SMARCC2: variants seen among roughly 807,000 people sequenced by gnomAD.
SMARCC2 encodes the protein SWI/SNF related BAF chromatin remodeling complex subunit C2.
SMARCC2 carries 15 observed loss-of-function variants against 151.3 expected under a neutral mutation model. That is an observed-to-expected ratio of 0.10 (90% CI 0.07 to 0.15). The LOEUF (loss-of-function observed/expected upper bound fraction) is 0.15. Among genes scored for constraint, SMARCC2 ranks in the 10% least tolerant of loss-of-function variants. The pLI is 1.00. For synonymous variants in SMARCC2, 590 were observed against 609.5 expected, an observed-to-expected ratio of 0.97 and a Z score of 0.47; for missense variants, 1,031 against 1,599.7, an observed-to-expected ratio of 0.64 and a Z score of 6.06.
chr12:56,170,313 A>C, intron 22 of SMARCC2, 105 bp from the exon 23 acceptor site: 2 of 1,034,660 alleles, frequency 1.9e-6, no homozygotes, highest in Non-Finnish European at 2.9e-6. Flanking sequence ...TGTGTTGCCC[A>C]GGTTGGTCTC....
chr12:56,185,925 C>A (rs1877155388), intron 3 of SMARCC2: 2 of 527,572 alleles, frequency 3.8e-6, no homozygotes, highest in Non-Finnish European at 6.7e-6. Context: ...GAGATGCCAA[C>A]CTAAGAATCC....
chr12:56,164,259 G>A, intron 28 of SMARCC2, 44 bp downstream of exon 28: 2 of 1,576,358 alleles, frequency 1.3e-6, no homozygotes, highest in Non-Finnish European at 1.7e-6. Context: ...CCCTCCAGGT[G>A]GACCCCTCTC....
Position 56,171,482 on chromosome 12 carries a change from C to A in SMARCC2, c.2186-50G>T, listed in dbSNP as rs768369409. On this transcript the variant is annotated intron_variant, in intron 21 of 28. Transcript: ENST00000550164. This position sits in a 1 kb window ranked among gnomAD's most constrained non-coding sequence, Gnocchi z 4.2. ...CTGGGAGCGGCACAGTGGAACAGTT[C>A]TGGCAATCCCTGCAAAAGCTTACTC... 1 of 1,607,480 alleles carries A rather than the reference C, an allele frequency of 6.2e-7. No homozygotes were observed. Among genetic ancestry groups the A allele is most frequent in the South Asian group, 1.1e-5 (1 of 90,816 alleles).
Position 56,181,781 on chromosome 12 carries a change from C to T in SMARCC2, c.763G>A (p.Glu255Lys), listed in dbSNP as rs1352494241. Reference sequence around the variant, plus strand: ...TTGTCATCATTTACTTCATAGTCTTCCTCATTCATCCATTCATTGAAGGTG... The same window carrying T: ...TTGTCATCATTTACTTCATAGTCTTTCTCATTCATCCATTCATTGAAGGTG... ...TDTFNEWMNEEDYEVNDDKNP... is the reference protein window; with the variant it reads ...TDTFNEWMNEKDYEVNDDKNP... The change falls in exon 9 of 29, where the codon GAA becomes AAA. Residue 255 changes from glutamate (E) to lysine (K), a missense_variant. Physicochemically the swap from Glu to Lys is moderately conservative, Grantham distance 56 (BLOSUM62 1). Around this residue, in one of 12 missense-constraint regions of SMARCC2, gnomAD observed 123 missense variants for 190.4 expected, o/e 0.65. Coordinates refer to ENST00000550164, the MANE Select transcript of SMARCC2 (RefSeq NM_001330288.2). The T allele has an allele frequency of 6.2e-7, 1 of 1,614,002 alleles. No individual in the cohort carries two copies. The highest frequency in any genetic ancestry group is 1.3e-5 in the African/African-American group (1 of 74,910).
chr12:56,184,425 G>C lies in SMARCC2; in HGVS notation c.493-181C>G, dbSNP rs1176075707. On this transcript the variant is annotated intron_variant, in intron 5 of 28. Transcript: ENST00000550164. ...CAGCTGGGATTGTGCTAATAATGGA[G>C]AAAAGTCAAAGAATTAAAAATTGCC... 10 of 583,930 alleles carry C rather than the reference G, an allele frequency of 1.7e-5. No homozygotes were observed. In the South Asian group the frequency reaches 2.3e-4, roughly 13 times the overall value. The allele number at this position is 583,930 out of a possible 1,614,324, so 36.2% of individuals were successfully genotyped here. A position where few individuals can be genotyped will look rare whatever the true frequency, so the allele number is the denominator to read the frequency against.
At chr12:56,163,900 C>T in intron 28 of SMARCC2, 135 bp from the exon 29 acceptor site, 1 of 568,978 alleles carries the variant, frequency 1.8e-6, no homozygotes, top group Non-Finnish European at 3.0e-6. Context: ...TAATGTTCAA[C>T]TTCTGTTCCC....
rs149844470 is a variant in SMARCC2 at position 56,188,612 on chromosome 12, T to G, written c.111+739A>C. 5.6e-3 allele frequency among the ~76,000 whole-genome samples: 859 copies of G among 152,186 alleles called. 9 individuals carry two copies. The highest frequency in any genetic ancestry group is 0.014 in the Middle Eastern group (4 of 294). ...ATGATCTCCAGTTATGGGGTTTGGGTGTGAGGGGCTAGAGATAGGAAGCTC... is the reference window on the plus strand; with the variant it reads ...ATGATCTCCAGTTATGGGGTTTGGGGGTGAGGGGCTAGAGATAGGAAGCTC... On this transcript the variant is annotated intron_variant, in intron 1 of 28. Transcript: ENST00000550164.
chr12:56,181,462 C>T lies in SMARCC2; in HGVS notation c.956+20G>A, dbSNP rs1160428666. 2.2e-6 allele frequency: 3 copies of T among 1,360,012 alleles called. No individual in the cohort carries two copies. Among genetic ancestry groups the T allele is most frequent in the East Asian group, 2.3e-5 (1 of 43,454 alleles). The allele number at this position is 1,360,012 out of a possible 1,614,324, so 84.2% of individuals were successfully genotyped here. A position where few individuals can be genotyped will look rare whatever the true frequency, so the allele number is the denominator to read the frequency against. ...GTGGAGAGAATGGTGAACACGGGGG[C>T]AGGCTAGGGGCTGGCACACCCTTTC... On this transcript the variant is annotated intron_variant, in intron 10 of 28. Coordinates refer to ENST00000550164, the MANE Select transcript of SMARCC2 (RefSeq NM_001330288.2).
At chr12:56,186,065 A>G (rs1465622630) in intron 3 of SMARCC2, 90 bp downstream of exon 3, 1 of 963,268 alleles carries the variant, frequency 1.0e-6, no homozygotes, top group Non-Finnish European at 1.6e-6. Context: ...AGAGACTCAC[A>G]AGAATTTCTA....
intron 20 of SMARCC2, 88 bp downstream of exon 20, chr12:56,172,340 C>T: frequency 7.9e-7 from 1 of 1,264,134 alleles, no homozygotes. Context: ...CCTTGGCCTC[C>T]CAAAGTGCTG....
chr12:56,178,819 C>T lies in SMARCC2; in HGVS notation c.1170G>A (p.Thr390=), dbSNP rs781368152. ...LDEQEDESME[T]TGKDEDENST... ...TCTAAACTGGCTCCACCTTGCCCGT[C>T]GTCTCCATGCTTTCATCTTCCTGTT... Residue 390 remains threonine (T), a synonymous_variant, in exon 13 of 29, where the codon ACG becomes ACA. Transcript: ENST00000550164. The T allele has an allele frequency of 2.3e-5, 37 of 1,613,908 alleles. No individual in the cohort carries two copies. The highest frequency in any genetic ancestry group is 2.7e-5 in the African/African-American group (2 of 74,924).
In SMARCC2 at chr12:56,178,827, T is replaced by C. The variant is rs776883757; in HGVS notation, c.1162A>G (p.Met388Val). 6.2e-6 allele frequency: 10 copies of C among 1,614,166 alleles called. No homozygotes were observed. The highest frequency in any genetic ancestry group is 4.0e-5 in the African/African-American group (3 of 75,062). Residue 388 changes from methionine to valine, a missense_variant, in exon 13 of 29, where the codon ATG (methionine) becomes GTG (valine). Met to Val is a conservative substitution (Grantham distance 21). Around this residue, in one of 12 missense-constraint regions of SMARCC2, gnomAD observed 127 missense variants for 141.7 expected, o/e 0.90. Coordinates refer to ENST00000550164, the MANE Select transcript of SMARCC2 (RefSeq NM_001330288.2). Reference sequence around the variant, plus strand: ...GGCTCCACCTTGCCCGTCGTCTCCATGCTTTCATCTTCCTGTTCATCTGAA... The same window carrying C: ...GGCTCCACCTTGCCCGTCGTCTCCACGCTTTCATCTTCCTGTTCATCTGAA... ...TDLDEQEDES[M>V]ETTGKDEDEN...
intron 15 of SMARCC2, among the ~76,000 whole-genome samples, chr12:56,176,492 T>C (rs1014406020): frequency 6.6e-6 from 1 of 152,178 alleles, no homozygotes; most frequent in Non-Finnish European, 1.5e-5. Context: ...TTTTTTTTTT[T>C]CTTGAGACGG....
Position 56,164,745 on chromosome 12 carries a change from T to C in SMARCC2, c.3233-14A>G, listed in dbSNP as rs1872471946. ...ACGGTGAGGGGCCTGAGAATAAAGA[T>C]GAGAGATGGAGAAAATTAGGTATAA... On this transcript the variant is annotated splice_polypyrimidine_tract_variant and intron_variant, in intron 27 of 28. Transcript: ENST00000550164. 2 of 1,578,388 alleles carry C rather than the reference T, an allele frequency of 1.3e-6. No individual in the cohort carries two copies. Among genetic ancestry groups the C allele is most frequent in the South Asian group, 1.1e-5 (1 of 87,662 alleles).
chr12:56,187,342 C>A, intron 1 of SMARCC2, 36 bp from the exon 2 acceptor site: 1 of 1,600,668 alleles, frequency 6.2e-7, no homozygotes, highest in African/African-American at 1.3e-5. Flanking sequence ...AAAAATAGAT[C>A]TCAGATAAAT....
chr12:56,172,462 T>C lies in SMARCC2; in HGVS notation c.1892A>G (p.Glu631Gly). 1 of 1,593,452 alleles carries C rather than the reference T, an allele frequency of 6.3e-7. No homozygotes were observed. Among genetic ancestry groups the C allele is most frequent in the East Asian group, 2.2e-5 (1 of 44,572 alleles). Residue 631 changes from glutamate (E) to glycine (G), a missense_variant, in exon 20 of 29, where the codon GAG becomes GGG. By Grantham distance (98) the Glu-to-Gly change is moderately conservative. Coordinates refer to ENST00000550164, the MANE Select transcript of SMARCC2 (RefSeq NM_001330288.2). ...AAGCAGGGTTTCCTGTTCTGTCCAC[T>C]CACGAGTGGCACTGGCTGCAGCCTT... is the stretch of plus-strand genomic sequence containing the variant. ...KSKAAASATREWTEQETLLLL... is the reference protein window; with the variant it reads ...KSKAAASATRGWTEQETLLLL...
chr12:56,181,937 T>A (rs1876294315), intron 8 of SMARCC2, 67 bp downstream of exon 8: 3 of 1,588,192 alleles, frequency 1.9e-6, no homozygotes, highest in Non-Finnish European at 2.6e-6. Flanking sequence ...AGCCTCTGTT[T>A]CACTTCCAAA....
At chr12:56,180,833 G>GT (rs945981794) in intron 11 of SMARCC2, 144 bp downstream of exon 11, 2 of 837,710 alleles carry the variant, frequency 2.4e-6, no homozygotes, top group Non-Finnish European at 3.8e-6. Flanking sequence ...GGTAATGACC[G>GT]TAATTCCAAT....
intron 16 of SMARCC2, among the ~76,000 whole-genome samples, 162 bp from the exon 17 acceptor site, chr12:56,174,011 G>A (rs1184584647): frequency 6.6e-6 from 1 of 151,620 alleles, no homozygotes; most frequent in African/African-American, 2.4e-5. Context: ...TACTCCAGTT[G>A]TTCATTTATC....
Sources: gnomAD v4.1 joint callset for allele counts (sites outside exome capture counted in the v4.1 genomes callset) on GRCh38, gnomAD v4.1.1 for gene constraint, gnomAD v4.1.1 regional missense constraint, Gnocchi (gnomAD v3.1) non-coding constraint, MANE v1.5 for transcripts, NCBI Gene and HGNC (gene_info 2026-07-23, HGNC 2026-07-21) for gene names.